The following CLDN10 variants were observed in gnomAD, a reference collection of about 807,000 sequenced individuals.
CLDN10 encodes the protein claudin-10.
Under a neutral mutation model 22.9 loss-of-function variants are expected in CLDN10, and 15 were observed. The ratio of observed to expected loss-of-function variants is 0.65; its 90% CI spans 0.44 to 1.01. The LOEUF (loss-of-function observed/expected upper bound fraction) is 1.01, where lower values mean the gene tolerates loss of function less well. Among genes scored for constraint, CLDN10 ranks in the 50% least tolerant of loss-of-function variants. CLDN10 has a pLI of 0.00. For synonymous variants in CLDN10, 114 were observed against 111.4 expected (o/e 1.02, Z -0.15); for missense variants, 247 against 287.8 (o/e 0.86, Z 1.03).
intron 1 of CLDN10, among the ~76,000 whole-genome samples, chr13:95,474,176 G>T (rs1291666775): frequency 1.3e-5 from 2 of 152,324 alleles, no homozygotes; most frequent in East Asian, 1.9e-4. Context: ...CCATCTGGGG[G>T]TGATGGGAGA....
chr13:95,479,682 T>C (rs2139113357), intron 1 of CLDN10: 1 of 152,332 alleles, frequency 6.6e-6, no homozygotes, highest in East Asian at 1.9e-4. Flanking sequence ...ACAGACATGG[T>C]TTGCAGAAGA....
At chr13:95,477,263 G>C (rs1004976316) in intron 1 of CLDN10, among the ~76,000 whole-genome samples, 7 of 152,144 alleles carry the variant, frequency 4.6e-5, no homozygotes, top group African/African-American at 1.7e-4. Context: ...GAAAGAGTGG[G>C]CAAGGCAGGG....
rs140600579 is a variant in CLDN10, at chr13:95,440,551, C to T, written c.214+6504C>T. Among the ~76,000 whole-genome samples the T allele has an allele frequency of 2.4e-4, 36 of 152,300 alleles. 1 individual carries two copies. The East Asian group carries it at 6.8e-3, about 29-fold the overall frequency. On this transcript the variant is annotated intron_variant, in intron 1 of 4. Coordinates refer to the CLDN10 transcript ENST00000376873. ...AATAGCCAAGCATGGCAGCACATGC[C>T]TGTAGTTCCAACTACTTGGGAGGCT...
intron 1 of CLDN10, among the ~76,000 whole-genome samples, chr13:95,537,234 A>AATAT (rs1355514617): frequency 6.6e-6 from 1 of 152,220 alleles, no homozygotes; most frequent in Non-Finnish European, 1.5e-5. Flanking sequence ...TAATGAAGTT[A>AATAT]ATATAGTTCA....
chr13:95,489,639 T>A (rs940239208), intron 1 of CLDN10, among the ~76,000 whole-genome samples: 2 of 152,220 alleles, frequency 1.3e-5, no homozygotes, highest in African/African-American at 2.4e-5. Flanking sequence ...ATGTATAGAT[T>A]GTGAACATTT....
intron 1 of CLDN10, among the ~76,000 whole-genome samples, chr13:95,480,418 C>T (rs151306185): frequency 7.2e-5 from 11 of 152,338 alleles, no homozygotes; most frequent in Non-Finnish European, 1.5e-4. Context: ...CTCCACAGCT[C>T]ACACCCAGAG....
At chr13:95,476,005 C>T (rs766287638) in intron 1 of CLDN10, among the ~76,000 whole-genome samples, 6 of 152,148 alleles carry the variant, frequency 3.9e-5, no homozygotes, top group South Asian at 2.1e-4. Context: ...TCTAATTCCA[C>T]CCCCATCGCC....
intron 1 of CLDN10, chr13:95,528,565 A>T (rs1224223400): frequency 6.6e-6 from 1 of 152,258 alleles, no homozygotes; most frequent in Non-Finnish European, 1.5e-5. Flanking sequence ...GGAAGCAAAG[A>T]ACTGGATGGA....
chr13:95,450,698 T>C (rs1011198790), intron 1 of CLDN10, among the ~76,000 whole-genome samples: 3 of 152,234 alleles, frequency 2.0e-5, no homozygotes, highest in African/African-American at 7.2e-5. Flanking sequence ...TCAAATCTGA[T>C]GCTCACCCCT....
At chr13:95,512,148 G>GTTTTTTTTTTTTTTT (rs2043110050) in intron 1 of CLDN10, among the ~76,000 whole-genome samples, 1 of 16,830 alleles carries the variant, frequency 5.9e-5, no homozygotes, top group Non-Finnish European at 1.7e-4. Flanking sequence ...GTTTGTTTGT[G>GTTTTTTTTTTTTTTT]TTCTGTTTGT....
chr13:95,530,231 A>G (rs756720571), intron 1 of CLDN10, among the ~76,000 whole-genome samples: 6 of 152,186 alleles, frequency 3.9e-5, no homozygotes, highest in Non-Finnish European at 8.8e-5. Context: ...ATTTAAATCC[A>G]TCTCACAGAA....
At chr13:95,528,385 T>C (rs926014253) in intron 1 of CLDN10, 4 of 152,320 alleles carry the variant, frequency 2.6e-5, no homozygotes, top group African/African-American at 9.6e-5. Flanking sequence ...TCCCCAGCCA[T>C]GTGGAACTGA....
chr13:95,485,023 A>G (rs1402200536), intron 1 of CLDN10, among the ~76,000 whole-genome samples: 1 of 152,160 alleles, frequency 6.6e-6, no homozygotes, highest in Non-Finnish European at 1.5e-5. Flanking sequence ...AATGTACAAC[A>G]TCCAAGCCTA....
At chr13:95,495,530 G>A (rs2042919571) in intron 1 of CLDN10, among the ~76,000 whole-genome samples, 2 of 151,390 alleles carry the variant, frequency 1.3e-5, no homozygotes, top group African/African-American at 4.8e-5. Flanking sequence ...GGATCATGAG[G>A]TCAGGAGATC....
intron 1 of CLDN10, among the ~76,000 whole-genome samples, chr13:95,451,303 C>T (rs557636864): frequency 6.6e-6 from 1 of 152,328 alleles, no homozygotes; most frequent in South Asian, 2.1e-4. Context: ...GGGCACACAC[C>T]TTCTTTCATC....
At chr13:95,485,236 A>G (rs1238822043) in intron 1 of CLDN10, among the ~76,000 whole-genome samples, 1 of 151,862 alleles carries the variant, frequency 6.6e-6, no homozygotes, top group African/African-American at 2.4e-5. Flanking sequence ...TTGCTTGGAT[A>G]ATTCTACAGG....
In CLDN10 at chr13:95,475,529, G is replaced by A. The variant is rs368667242; in HGVS notation, c.214+41482G>A. Among the ~76,000 whole-genome samples, 154 of 152,304 alleles carry A rather than the reference G, an allele frequency of 1.0e-3. 6 individuals carry two copies. In the South Asian group the frequency reaches 0.029, roughly 29 times the overall value. ...TGCTGACTGAGCACTGGCCACCAGT[G>A]GGCTTCTCTGCTGCTCCCCAAGGGA... is the stretch of plus-strand genomic sequence containing the variant. On this transcript the variant is annotated intron_variant, in intron 1 of 4. Transcript: ENST00000376873.
At chr13:95,439,450 CT>C (rs2042304252) in intron 1 of CLDN10, among the ~76,000 whole-genome samples, 1 of 151,692 alleles carries the variant, frequency 6.6e-6, no homozygotes, top group Non-Finnish European at 1.5e-5. Context: ...TCTCCTGCTT[CT>C]GCCTCCCAAG....
intron 3 of CLDN10, 61 bp downstream of exon 3, chr13:95,560,524 A>C: frequency 6.8e-5 from 89 of 1,313,444 alleles, no homozygotes; most frequent in Middle Eastern, 1.9e-4. Context: ...TAATATTCTC[A>C]ACCAAGAGAC....
Sources: gnomAD v4.1 joint callset for allele counts (sites outside exome capture counted in the v4.1 genomes callset) on GRCh38, gnomAD v4.1.1 for gene constraint, MANE v1.5 for transcripts, NCBI Gene and HGNC (gene_info 2026-07-23, HGNC 2026-07-21) for gene names.